Variants in KHDRBS3 observed in about 807,000 individuals in gnomAD.
The protein encoded by KHDRBS3 is KH domain-containing, RNA-binding, signal transduction-associated protein 3.
A neutral mutation model predicts 45.6 loss-of-function variants in KHDRBS3; 23 were observed. The observed-to-expected ratio is 0.50, with a 90% CI of 0.36 to 0.72. The LOEUF (loss-of-function observed/expected upper bound fraction) is 0.72, where lower values mean the gene tolerates loss of function less well. KHDRBS3 is among the 30% of genes least tolerant of loss of function. KHDRBS3 has a pLI of 0.00. For missense variants in KHDRBS3, 352 were observed against 424.8 expected (o/e 0.83, Z 1.51); for synonymous variants, 162 against 156.5 (o/e 1.04, Z -0.26).
downstream of KHDRBS3, among the ~76,000 whole-genome samples, chr8:135,650,671 A>G (rs1831410980): frequency 6.6e-6 from 1 of 152,136 alleles, no homozygotes; most frequent in Non-Finnish European, 1.5e-5. Flanking sequence ...GTCATTCTTT[A>G]TATTACAGTG....
At chr8:135,469,950 T>G (rs1052700466) in intron 1 of KHDRBS3, among the ~76,000 whole-genome samples, 21 of 152,364 alleles carry the variant, frequency 1.4e-4, no homozygotes, top group African/African-American at 5.0e-4. Flanking sequence ...TGGAGGTTCA[T>G]TCTGTTTAAT....
At chr8:135,638,607 A>G (rs1271448567) in intron 7 of KHDRBS3, among the ~76,000 whole-genome samples, 3 of 152,250 alleles carry the variant, frequency 2.0e-5, no homozygotes, top group Non-Finnish European at 4.4e-5. Flanking sequence ...ATAGGAAGAC[A>G]TAGCGTTCAT....
intron 1 of KHDRBS3, among the ~76,000 whole-genome samples, chr8:135,507,151 G>A (rs1249094918): frequency 1.3e-5 from 2 of 152,092 alleles, no homozygotes; most frequent in Admixed American, 6.5e-5. Context: ...TTCTTCAAAC[G>A]GATCTAGTGG....
At position 135,625,460 on chromosome 8, in the gene KHDRBS3, G is replaced by C. The variant is rs574650674; in HGVS notation, c.890+18423G>C. The stretch of plus-strand genomic sequence containing the variant: ...GGGTCTTTCACACCACACCAGGGCA[G>C]CCTTAGGAGCCACAGCAGTTCTCTG... On this transcript the variant is annotated intron_variant, in intron 7 of 8. Coordinates refer to ENST00000355849, the MANE Select transcript of KHDRBS3 (RefSeq NM_006558.3). 8 of 773,970 alleles carry C rather than the reference G, an allele frequency of 1.0e-5. No homozygotes were observed. In the African/African-American group the frequency reaches 1.4e-4, roughly 13 times the overall value. The allele number at this position is 773,970 out of a possible 1,614,324, so 47.9% of individuals were successfully genotyped here. A position where few individuals can be genotyped will look rare whatever the true frequency, so the allele number is the denominator to read the frequency against.
At chr8:135,572,878 C>T (rs1827771793) in intron 5 of KHDRBS3, among the ~76,000 whole-genome samples, 1 of 152,220 alleles carries the variant, frequency 6.6e-6, no homozygotes. Context: ...TTCTCATTTG[C>T]ATAGCAACCT....
intron 4 of KHDRBS3, among the ~76,000 whole-genome samples, chr8:135,555,680 T>C (rs903819827): frequency 3.9e-5 from 6 of 152,206 alleles, no homozygotes; most frequent in Admixed American, 3.3e-4. Flanking sequence ...AGCAGTTGAC[T>C]GTAACTTATA....
At position 135,534,608 on chromosome 8, in the gene KHDRBS3, G is replaced by A. The variant is rs145590623; in HGVS notation, c.208-8046G>A. Among the ~76,000 whole-genome samples, 1,199 of 152,050 alleles carry A rather than the reference G, an allele frequency of 7.9e-3. 4 individuals carry two copies. Among genetic ancestry groups the A allele is most frequent in the Non-Finnish European group, 0.012 (805 of 67,978 alleles). On this transcript the variant is annotated intron_variant, in intron 2 of 8. Coordinates refer to ENST00000355849, the MANE Select transcript of KHDRBS3 (RefSeq NM_006558.3). ...CTTAGAAAAGACCATAATGTTTGAGGGTATTAAAATTTGACTTTTTGATCA... is the reference window on the plus strand; with the variant it reads ...CTTAGAAAAGACCATAATGTTTGAGAGTATTAAAATTTGACTTTTTGATCA...
At chr8:135,503,870 G>A (rs367799977) in intron 1 of KHDRBS3, among the ~76,000 whole-genome samples, 1 of 152,016 alleles carries the variant, frequency 6.6e-6, no homozygotes, top group African/African-American at 2.4e-5. Context: ...TTTGTGATCA[G>A]CATATTTAAT....
intron 1 of KHDRBS3, among the ~76,000 whole-genome samples, chr8:135,464,865 C>A (rs1379363174): frequency 1.3e-5 from 2 of 152,160 alleles, no homozygotes; most frequent in Non-Finnish European, 2.9e-5. Context: ...TTTGTCTGCC[C>A]AACACTATGA....
At chr8:135,465,982 C>T (rs1821676102) in intron 1 of KHDRBS3, among the ~76,000 whole-genome samples, 1 of 152,162 alleles carries the variant, frequency 6.6e-6, no homozygotes, top group South Asian at 2.1e-4. Context: ...TCATTTTCAA[C>T]ATTTTTCCTT....
At chr8:135,655,081 A>G in intron 4 of KHDRBS3, among the ~76,000 whole-genome samples, 1 of 152,208 alleles carries the variant, frequency 6.6e-6, no homozygotes, top group East Asian at 1.9e-4. Flanking sequence ...ACATTTTATA[A>G]ACCTGAAAGC....
At chr8:135,491,579 G>A (rs1046137131) in intron 1 of KHDRBS3, among the ~76,000 whole-genome samples, 1 of 152,092 alleles carries the variant, frequency 6.6e-6, no homozygotes, top group African/African-American at 2.4e-5. Flanking sequence ...GGTTTACAAA[G>A]CTAAGGACCA....
intron 5 of KHDRBS3, among the ~76,000 whole-genome samples, chr8:135,576,163 CT>C (rs1827937797): frequency 6.6e-6 from 1 of 152,208 alleles, no homozygotes; most frequent in Admixed American, 6.5e-5. Context: ...AGTATACGTA[CT>C]GTCCACATGA....
chr8:135,470,861 C>T (rs1217571013), intron 1 of KHDRBS3, among the ~76,000 whole-genome samples: 2 of 152,164 alleles, frequency 1.3e-5, no homozygotes, highest in Non-Finnish European at 2.9e-5. Flanking sequence ...GCTGGGATTA[C>T]AGGCGTGAGC....
chr8:135,472,579 G>T (rs1822069050), intron 1 of KHDRBS3, among the ~76,000 whole-genome samples: 1 of 152,204 alleles, frequency 6.6e-6, no homozygotes. Context: ...TGGAGAAATG[G>T]GACAAGAGGA....
At chr8:135,630,981 G>T (rs1202248858) in intron 7 of KHDRBS3, among the ~76,000 whole-genome samples, 1 of 152,090 alleles carries the variant, frequency 6.6e-6, no homozygotes, top group Admixed American at 6.5e-5. Context: ...GGGCGCGGTG[G>T]CTCACGCCTG....
chr8:135,652,148 A>C (rs1166334567), downstream of KHDRBS3, among the ~76,000 whole-genome samples: 1 of 152,216 alleles, frequency 6.6e-6, no homozygotes, highest in East Asian at 1.9e-4. Context: ...AAAGGAAAAA[A>C]TCCATCATTA....
At chr8:135,504,772 A>G (rs1028381609) in intron 1 of KHDRBS3, among the ~76,000 whole-genome samples, 1 of 152,238 alleles carries the variant, frequency 6.6e-6, no homozygotes, top group Non-Finnish European at 1.5e-5. Flanking sequence ...GAAATCAGAC[A>G]TTTAGCTCAG....
At chr8:135,574,152 C>CGTCACCTCCATCATGTTAGCAT (rs1247998731) in intron 5 of KHDRBS3, among the ~76,000 whole-genome samples, 4 of 99,082 alleles carry the variant, frequency 4.0e-5, no homozygotes, top group African/African-American at 7.5e-5. Flanking sequence ...TGTGTTAGCA[C>CGTCACCTCCATCATGTTAGCAT]GTCACCTCCA....
Sources: gnomAD v4.1 joint callset for allele counts (sites outside exome capture counted in the v4.1 genomes callset) on GRCh38, gnomAD v4.1.1 for gene constraint, MANE v1.5 for transcripts, NCBI Gene and HGNC (gene_info 2026-07-23, HGNC 2026-07-21) for gene names.